Variants in MRPS25 observed in about 807,000 individuals in gnomAD.
MRPS25 encodes the protein mitochondrial ribosomal protein S25.
Under a neutral mutation model 17.3 loss-of-function variants are expected in MRPS25, and 15 were observed. The ratio of observed to expected loss-of-function variants is 0.87; its 90% CI spans 0.58 to 1.34. The LOEUF (loss-of-function observed/expected upper bound fraction) is 1.34, where lower values mean the gene tolerates loss of function less well. Ranked by LOEUF, MRPS25 falls within the 40% of genes most tolerant of loss-of-function variation. MRPS25 has a pLI of 0.00. For missense variants in MRPS25, 225 were observed against 218.6 expected (o/e 1.03, Z -0.19); for synonymous variants, 94 against 83.3 (o/e 1.13, Z -0.70).
At chr3:15,044,613 AC>A (rs1215376870), downstream of MRPS25, 2 of 152,204 alleles carry the variant, frequency 1.3e-5, no homozygotes, top group African/African-American at 4.8e-5. Flanking sequence ...AAGAAAATAC[AC>A]CCTGTTGGGT....
chr3:15,059,856 C>T (rs539873223), intron 1 of MRPS25, among the ~76,000 whole-genome samples: 3 of 151,762 alleles, frequency 2.0e-5, no homozygotes, highest in Admixed American at 6.6e-5. Context: ...GGTTATACCA[C>T]AATTTTAAAA....
downstream of MRPS25, chr3:15,043,354 A>G (rs535401791): frequency 6.1e-6 from 1 of 164,296 alleles, no homozygotes; most frequent in Non-Finnish European, 1.3e-5. Context: ...AGAGAATAGT[A>G]TGTGTGTATA....
chr3:15,050,984 A>C lies in MRPS25; in HGVS notation c.*1457T>G. The stretch of plus-strand genomic sequence containing the variant: ...CCATTTTACAGACAAAACCAGTTAC[A>C]GACCTGGAAAGCTTTTAGGACTTGA... On this transcript the variant is annotated 3_prime_UTR_variant, in exon 4 of 4. Transcript: ENST00000253686. 1 of 985,128 alleles carries C rather than the reference A, an allele frequency of 1.0e-6. No homozygotes were observed. Among genetic ancestry groups the C allele is most frequent in the Middle Eastern group, 5.2e-4 (1 of 1,912 alleles). The allele number at this position is 985,128 out of a possible 1,614,324, so 61.0% of individuals were successfully genotyped here. A position where few individuals can be genotyped will look rare whatever the true frequency, so the allele number is the denominator to read the frequency against.
Position 15,050,647 on chromosome 3 carries a change from T to C in MRPS25, c.*1794A>G. 1 of 985,344 alleles carries C rather than the reference T, an allele frequency of 1.0e-6. No homozygotes were observed. The highest frequency in any genetic ancestry group is 1.2e-6 in the Non-Finnish European group (1 of 829,918). 61.0% of individuals were successfully genotyped at this position (985,344 alleles called of 1,614,324 possible). A position where few individuals can be genotyped will look rare whatever the true frequency, so the allele number is the denominator to read the frequency against. On this transcript the variant is annotated 3_prime_UTR_variant, in exon 4 of 4. Coordinates refer to ENST00000253686, the MANE Select transcript of MRPS25 (RefSeq NM_022497.5). ...GGGCTCTCTGTGGAGGAGAGCTTTT[T>C]CCACCCAGCCAAAATGCTGATAGCA...
At position 15,060,835 on chromosome 3, in the gene MRPS25, C is replaced by A. The variant is rs555718697; in HGVS notation, c.135-1360G>T. 2.0e-5 allele frequency among the ~76,000 whole-genome samples: 3 copies of A among 152,076 alleles called. No homozygotes were observed. In the South Asian group the frequency reaches 6.2e-4, roughly 32 times the overall value. ...GGCAGAGCTTGCAGTGAGCCGAGAT[C>A]GCGCCACTGCACTCTAGCCTGGGTG... On this transcript the variant is annotated intron_variant, in intron 1 of 3. Transcript: ENST00000253686.
chr3:15,050,951 C>T lies in MRPS25; in HGVS notation c.*1490G>A, dbSNP rs2042595445. ...CTACTTCATGTGGCAGAAAAGGTAA[C>T]CTTTTCCCCATTTTACAGACAAAAC... On this transcript the variant is annotated 3_prime_UTR_variant, in exon 4 of 4. Transcript: ENST00000253686. 1 of 985,268 alleles carries T rather than the reference C, an allele frequency of 1.0e-6. No homozygotes were observed. The highest frequency in any genetic ancestry group is 1.7e-5 in the African/African-American group (1 of 57,216). The allele number at this position is 985,268 out of a possible 1,614,324, so 61.0% of individuals were successfully genotyped here. A position where few individuals can be genotyped will look rare whatever the true frequency, so the allele number is the denominator to read the frequency against.
Position 15,051,495 on chromosome 3 carries a change from T to C in MRPS25, c.*946A>G, listed in dbSNP as rs979617972. 1.0e-6 allele frequency: 1 copy of C among 985,320 alleles called. No individual in the cohort carries two copies. Among genetic ancestry groups the C allele is most frequent in the African/African-American group, 1.7e-5 (1 of 57,216 alleles). The allele number at this position is 985,320 out of a possible 1,614,324, so 61.0% of individuals were successfully genotyped here. A position where few individuals can be genotyped will look rare whatever the true frequency, so the allele number is the denominator to read the frequency against. ...ACCACACCCAGCCTAGCTAAACCTATTCTTAAGGTGACCCTAGAAGGCTCT... is the reference window on the plus strand; with the variant it reads ...ACCACACCCAGCCTAGCTAAACCTACTCTTAAGGTGACCCTAGAAGGCTCT... On this transcript the variant is annotated 3_prime_UTR_variant, in exon 4 of 4. Transcript: ENST00000253686.
Position 15,053,381 on chromosome 3 carries a change from C to T in MRPS25, c.328G>A (p.Glu110Lys). 1 of 1,614,202 alleles carries T rather than the reference C, an allele frequency of 6.2e-7. No individual in the cohort carries two copies. The highest frequency in any genetic ancestry group is 8.5e-7 in the Non-Finnish European group (1 of 1,180,040). ...EHIRKILGKNEETLREEEEEK... is the reference protein window; with the variant it reads ...EHIRKILGKNKETLREEEEEK... Reference sequence around the variant, plus strand: ...TCCAGGTCAAACCAAACAACTCACTCATTCTTCCCCAAGATTTTTCTGATG... The same window carrying T: ...TCCAGGTCAAACCAAACAACTCACTTATTCTTCCCCAAGATTTTTCTGATG... The change falls in exon 3 of 4, where the codon GAG (glutamate) becomes AAG (lysine). Residue 110 changes from glutamate to lysine, a missense_variant and splice_region_variant. Transcript: ENST00000253686.
At chr3:15,055,093 G>A (rs2042653530) in intron 2 of MRPS25, among the ~76,000 whole-genome samples, 1 of 152,200 alleles carries the variant, frequency 6.6e-6, no homozygotes, top group African/African-American at 2.4e-5. Context: ...GCAAGAAAGA[G>A]AAGGGGGAGG....
chr3:15,060,383 C>T (rs2042735160), intron 1 of MRPS25, among the ~76,000 whole-genome samples: 1 of 151,942 alleles, frequency 6.6e-6, no homozygotes, highest in African/African-American at 2.4e-5. Flanking sequence ...CATAGTGGTA[C>T]ATGCTGGTGG....
chr3:15,062,130 GGAGTGCGGCGGGT>G (rs2042774884), intron 1 of MRPS25, among the ~76,000 whole-genome samples: 1 of 117,676 alleles, frequency 8.5e-6, no homozygotes, highest in Non-Finnish European at 1.8e-5. Flanking sequence ...CATCCGGGAG[GGAGTGCGGCGGGT>G]CAGCCCCCCG....
Position 15,049,996 on chromosome 3 carries a change from A to G in MRPS25, c.*2445T>C. On this transcript the variant is annotated 3_prime_UTR_variant, in exon 4 of 4. Transcript: ENST00000253686. The stretch of plus-strand genomic sequence containing the variant: ...GCTGTGAACACTGCTTGTGCAAGTA[A>G]AATTAAGAACATGTTATCAATTATA... The G allele has an allele frequency of 1.4e-6, 2 of 1,471,250 alleles. No homozygotes were observed. The allele number at this position is 1,471,250 out of a possible 1,614,324, so 91.1% of individuals were successfully genotyped here. A position where few individuals can be genotyped will look rare whatever the true frequency, so the allele number is the denominator to read the frequency against.
intron 3 of MRPS25, 86 bp downstream of exon 3, chr3:15,053,294 T>C: frequency 2.5e-6 from 4 of 1,591,662 alleles, no homozygotes; most frequent in Non-Finnish European, 3.4e-6. Context: ...ATCTTACCTC[T>C]CAACACCCTT....
rs187316281 is a variant in MRPS25 at position 15,059,398 on chromosome 3, G to A, written c.212C>T (p.Thr71Met). Residue 71 changes from threonine to methionine, a missense_variant, in exon 2 of 4, where the codon ACG (threonine) becomes ATG (methionine). Coordinates refer to ENST00000253686, the MANE Select transcript of MRPS25 (RefSeq NM_022497.5). ...WVQIMMFKNM[T>M]PSPFLRFYLD... The stretch of plus-strand genomic sequence containing the variant: ...GTAGAATCGCAGGAAGGGTGACGGC[G>A]TCATGTTCTTAAACATCATGATCTG... 42 of 1,613,326 alleles carry A rather than the reference G, an allele frequency of 2.6e-5. No homozygotes were observed. Among genetic ancestry groups the A allele is most frequent in the Admixed American group, 2.0e-4 (12 of 60,006 alleles).
At position 15,052,333 on chromosome 3, in the gene MRPS25, CCA is replaced by C. The variant is rs1425218420; in HGVS notation, c.*106_*107del. On this transcript the variant is annotated 3_prime_UTR_variant, in exon 4 of 4. Coordinates refer to ENST00000253686, the MANE Select transcript of MRPS25 (RefSeq NM_022497.5). ...AAGTCCTTTTAATGCAAAAGGATTT[CCA>C]GAGTCTCCAGGGACAGAACCAGGGG... is the stretch of plus-strand genomic sequence containing the variant. 1 of 1,500,482 alleles carries C rather than the reference CCA, an allele frequency of 6.7e-7. No homozygotes were observed. Among genetic ancestry groups the C allele is most frequent in the African/African-American group, 1.4e-5 (1 of 71,412 alleles). The allele number at this position is 1,500,482 out of a possible 1,614,324, so 92.9% of individuals were successfully genotyped here.
downstream of MRPS25, chr3:15,042,806 C>G: frequency 6.2e-7 from 1 of 1,605,658 alleles, no homozygotes; most frequent in Non-Finnish European, 8.5e-7. Flanking sequence ...CAAACAGTCT[C>G]CTTTTCTAAT....
intron 2 of MRPS25, among the ~76,000 whole-genome samples, chr3:15,057,186 G>C (rs906398150): frequency 9.2e-5 from 14 of 152,322 alleles, no homozygotes; most frequent in African/African-American, 3.4e-4. Context: ...CTCCCTGGCC[G>C]GGGCCTAGGG....
chr3:15,049,631 A>G lies in MRPS25; in HGVS notation c.*2810T>C, dbSNP rs2042572430. On this transcript the variant is annotated 3_prime_UTR_variant, in exon 4 of 4. Transcript: ENST00000253686. ...CCTTAAATTGGCAAGCTTATTCTCTAAGGATACGTGCTATCAAGGGCAAAA... is the reference window on the plus strand; with the variant it reads ...CCTTAAATTGGCAAGCTTATTCTCTGAGGATACGTGCTATCAAGGGCAAAA... 2 of 509,204 alleles carry G rather than the reference A, an allele frequency of 3.9e-6. No individual in the cohort carries two copies. Among genetic ancestry groups the G allele is most frequent in the Non-Finnish European group, 6.8e-6 (2 of 293,862 alleles). 31.5% of individuals were successfully genotyped at this position (509,204 alleles called of 1,614,324 possible).
chr3:15,050,164 A>C lies in MRPS25; in HGVS notation c.*2277T>G. Reference sequence around the variant, plus strand: ...TCAAGTAGCCTACAGGGAACAAAAAAAGAAAATAATGTTTATTTCCACAAA... The same window carrying C: ...TCAAGTAGCCTACAGGGAACAAAAACAGAAAATAATGTTTATTTCCACAAA... On this transcript the variant is annotated 3_prime_UTR_variant, in exon 4 of 4. Coordinates refer to ENST00000253686, the MANE Select transcript of MRPS25 (RefSeq NM_022497.5). 7.7e-7 allele frequency: 1 copy of C among 1,295,180 alleles called. No homozygotes were observed. 80.2% of individuals were successfully genotyped at this position (1,295,180 alleles called of 1,614,324 possible).
Sources: gnomAD v4.1 joint callset for allele counts (sites outside exome capture counted in the v4.1 genomes callset) on GRCh38, gnomAD v4.1.1 for gene constraint, MANE v1.5 for transcripts, NCBI Gene and HGNC (gene_info 2026-07-23, HGNC 2026-07-21) for gene names.